Variants in TSHZ2 observed in about 807,000 individuals in gnomAD.
TSHZ2 encodes teashirt zinc finger homeobox 2.
In TSHZ2, 21 loss-of-function variants were observed where a neutral mutation model predicts 74.4. That is an observed-to-expected ratio of 0.28 (90% CI 0.20 to 0.41). The LOEUF (loss-of-function observed/expected upper bound fraction) is 0.41, where lower values mean the gene tolerates loss of function less well. TSHZ2 is among the 10% of genes least tolerant of loss of function. The pLI, the probability that TSHZ2 is intolerant of heterozygous loss-of-function variation, is 1.00. For missense variants in TSHZ2, 1,244 were observed against 1,293.5 expected (o/e 0.96, Z 0.59); for synonymous variants, 540 against 515.3 (o/e 1.05, Z -0.65).
At chr20:53,161,045 T>C (rs1327236459) in intron 1 of TSHZ2, among the ~76,000 whole-genome samples, 1 of 150,878 alleles carries the variant, frequency 6.6e-6, no homozygotes, top group Non-Finnish European at 1.5e-5. Flanking sequence ...GGTTTTTTGT[T>C]TGTTTGTTTT....
chr20:53,235,142 G>T (rs1287549681), intron 1 of TSHZ2, among the ~76,000 whole-genome samples: 4 of 135,900 alleles, frequency 2.9e-5, no homozygotes, highest in East Asian at 5.2e-4. Flanking sequence ...CGGGGCGGGG[G>T]GGGGGGAATG....
intron 1 of TSHZ2, among the ~76,000 whole-genome samples, chr20:53,120,962 A>G (rs1375985878): frequency 6.6e-6 from 1 of 152,244 alleles, no homozygotes; most frequent in Non-Finnish European, 1.5e-5. Flanking sequence ...GATATTCGAT[A>G]CAAATAGTTC....
chr20:53,161,442 C>G (rs1369704420), intron 1 of TSHZ2, among the ~76,000 whole-genome samples: 3 of 151,966 alleles, frequency 2.0e-5, no homozygotes, highest in Admixed American at 2.0e-4. Context: ...TGTAGTAGTC[C>G]GTTTTCACAG....
At chr20:53,094,323 T>A (rs1372015689) in intron 1 of TSHZ2, among the ~76,000 whole-genome samples, 1 of 152,222 alleles carries the variant, frequency 6.6e-6, no homozygotes, top group East Asian at 1.9e-4. Flanking sequence ...ATCTTGTAAC[T>A]ATTATGATTT....
intron 1 of TSHZ2, among the ~76,000 whole-genome samples, chr20:53,068,487 C>T (rs867644135): frequency 7.2e-5 from 11 of 152,080 alleles, no homozygotes; most frequent in African/African-American, 2.4e-4. Flanking sequence ...TTCCCTACTG[C>T]GTTACTTTTC....
At chr20:53,310,715 C>T (rs1314834753) in intron 2 of TSHZ2, among the ~76,000 whole-genome samples, 3 of 152,168 alleles carry the variant, frequency 2.0e-5, no homozygotes, top group Non-Finnish European at 2.9e-5. Flanking sequence ...AGTATTAGAC[C>T]TCCACCATGT....
At chr20:53,285,471 A>G (rs1226323982) in intron 2 of TSHZ2, among the ~76,000 whole-genome samples, 2 of 152,178 alleles carry the variant, frequency 1.3e-5, no homozygotes, top group Non-Finnish European at 2.9e-5. Flanking sequence ...GCATTCTGGG[A>G]GGACAAGGCA....
intron 2 of TSHZ2, among the ~76,000 whole-genome samples, chr20:53,351,176 C>CT (rs576512093): frequency 2.5e-4 from 38 of 152,214 alleles, no homozygotes; most frequent in Non-Finnish European, 4.9e-4. Context: ...CCAATATCAG[C>CT]TTTTTTCTGA....
At chr20:53,128,542 A>G (rs189553679) in intron 1 of TSHZ2, among the ~76,000 whole-genome samples, 2 of 152,316 alleles carry the variant, frequency 1.3e-5, no homozygotes, top group East Asian at 1.9e-4. Flanking sequence ...ACCAAGTACC[A>G]TAATTGTTAC....
chr20:53,203,411 T>C (rs1486880008), intron 1 of TSHZ2, among the ~76,000 whole-genome samples: 5 of 152,076 alleles, frequency 3.3e-5, no homozygotes, highest in Admixed American at 3.3e-4. Context: ...GCCAGGCTGA[T>C]CTCAAACTCC....
intron 1 of TSHZ2, among the ~76,000 whole-genome samples, chr20:53,228,343 A>C (rs1212424566): frequency 6.6e-6 from 1 of 152,214 alleles, no homozygotes; most frequent in Non-Finnish European, 1.5e-5. Flanking sequence ...CACAACTTTC[A>C]GGACTAGAGC....
At chr20:53,460,089 G>T (rs904578039) in intron 2 of TSHZ2, among the ~76,000 whole-genome samples, 137 of 152,120 alleles carry the variant, frequency 9.0e-4, no homozygotes, top group South Asian at 3.9e-3. Flanking sequence ...ATTTCCTGAA[G>T]CTGAACGTTG....
intron 2 of TSHZ2, among the ~76,000 whole-genome samples, chr20:53,348,434 C>T (rs939863296): frequency 4.6e-5 from 7 of 150,944 alleles, no homozygotes; most frequent in Admixed American, 6.6e-5. Flanking sequence ...AAATGAAAGG[C>T]ATATAAAAGT....
At chr20:53,232,370 A>G (rs1425188891) in intron 1 of TSHZ2, among the ~76,000 whole-genome samples, 1 of 152,212 alleles carries the variant, frequency 6.6e-6, no homozygotes, top group Non-Finnish European at 1.5e-5. Context: ...GCAGGCTCTG[A>G]GGAAACAGAA....
chr20:53,303,297 T>G (rs1030713882), intron 2 of TSHZ2, among the ~76,000 whole-genome samples: 5 of 152,246 alleles, frequency 3.3e-5, no homozygotes, highest in African/African-American at 1.2e-4. Context: ...ACGTCTATCT[T>G]GTTGAGACTT....
chr20:53,236,262 G>T (rs1451482506), intron 1 of TSHZ2, among the ~76,000 whole-genome samples: 1 of 152,032 alleles, frequency 6.6e-6, no homozygotes, highest in Non-Finnish European at 1.5e-5. Flanking sequence ...ATTTGCTCTG[G>T]CATTCCTTTA....
intron 2 of TSHZ2, among the ~76,000 whole-genome samples, chr20:53,344,211 CTCA>C (rs370289447): frequency 1.1e-4 from 2 of 17,698 alleles, no homozygotes; most frequent in Non-Finnish European, 1.8e-4. Context: ...CCTCCTCCTC[CTCA>C]TCATCATCAT....
chr20:53,472,805 G>A (rs1480039561), intron 2 of TSHZ2, among the ~76,000 whole-genome samples: 14 of 151,736 alleles, frequency 9.2e-5, no homozygotes, highest in South Asian at 4.2e-4. Context: ...TGCGCGCACC[G>A]TGCGCGAGCC....
chr20:53,434,608 C>T (rs777834666), intron 2 of TSHZ2, among the ~76,000 whole-genome samples: 5 of 152,202 alleles, frequency 3.3e-5, no homozygotes, highest in Non-Finnish European at 5.9e-5. Context: ...TTGTTTTCTA[C>T]GTGTAGTGGT....
Sources: allele counts gnomAD v4.1 joint callset (sites outside exome capture counted in the v4.1 genomes callset), GRCh38; gene constraint gnomAD v4.1.1; transcripts MANE v1.5; gene names NCBI Gene and HGNC (gene_info 2026-07-23, HGNC 2026-07-21).